WNT4: variants seen among roughly 807,000 people sequenced by gnomAD.
WNT4 encodes Wnt family member 4, also known as protein Wnt-4.
In WNT4, 16 loss-of-function variants were observed where a neutral mutation model predicts 34.5. The observed-to-expected ratio is 0.46, with a 90% CI of 0.31 to 0.70. The LOEUF (loss-of-function observed/expected upper bound fraction) is 0.70, where lower values mean the gene tolerates loss of function less well. Ranked by LOEUF, WNT4 falls within the 30% of genes least tolerant of loss-of-function variation. WNT4 has a pLI of 0.04. For synonymous variants in WNT4, 200 were observed against 211.9 expected (o/e 0.94, Z 0.49); for missense variants, 379 against 495.9 (o/e 0.76, Z 2.24).
Position 22,140,328 on chromosome 1 carries a change from C to T in WNT4, c.77+2518G>A. 1.1e-6 allele frequency: 1 copy of T among 939,978 alleles called. No individual in the cohort carries two copies. The highest frequency in any genetic ancestry group is 4.9e-5 in the South Asian group (1 of 20,374). The allele number at this position is 939,978 out of a possible 1,614,324, so 58.2% of individuals were successfully genotyped here. A position where few individuals can be genotyped will look rare whatever the true frequency, so the allele number is the denominator to read the frequency against. The stretch of plus-strand genomic sequence containing the variant: ...CCAGCTGGGTGACTTGGGCAGTTAC[C>T]TCTGCGATCCCCAATCTTCTCATCT... On this transcript the variant is annotated intron_variant, in intron 1 of 4. Coordinates refer to ENST00000290167, the MANE Select transcript of WNT4 (RefSeq NM_030761.5). This position sits in a 1 kb window ranked among gnomAD's most constrained non-coding sequence, Gnocchi z 5.9.
chr1:22,143,088 G>T lies in WNT4; in HGVS notation c.-166C>A. 1 of 184,980 alleles carries T rather than the reference G, an allele frequency of 5.4e-6. No individual in the cohort carries two copies. Among genetic ancestry groups the T allele is most frequent in the Non-Finnish European group, 9.8e-6 (1 of 101,716 alleles). 11.5% of individuals were successfully genotyped at this position (184,980 alleles called of 1,614,324 possible). A position where few individuals can be genotyped will look rare whatever the true frequency, so the allele number is the denominator to read the frequency against. On this transcript the variant is annotated 5_prime_UTR_variant, in exon 1 of 5. Coordinates refer to ENST00000290167, the MANE Select transcript of WNT4 (RefSeq NM_030761.5). ...CGCTGCTGCGCCCGCTGCCCGGCGC[G>T]GACCAGACTGTCAGCGCCGCCCCAG...
intron 2 of WNT4, among the ~76,000 whole-genome samples, chr1:22,126,279 G>GC (rs1026758881): frequency 6.6e-5 from 10 of 152,212 alleles, no homozygotes; most frequent in African/African-American, 2.2e-4. Context: ...CAGTGGGAGA[G>GC]CCCCCCCAGC....
chr1:22,121,560 G>A lies in WNT4; in HGVS notation c.330C>T (p.Ala110=). 1 of 1,613,584 alleles carries A rather than the reference G, an allele frequency of 6.2e-7. No homozygotes were observed. Among genetic ancestry groups the A allele is most frequent in the South Asian group, 1.1e-5 (1 of 91,084 alleles). ...CTGCCGAAGAGATGGCGTACACGAAGGCCGCCTCCCGAGTCCCTGTGGGAG... is the reference window on the plus strand; with the variant it reads ...CTGCCGAAGAGATGGCGTACACGAAAGCCGCCTCCCGAGTCCCTGTGGGAG... ...KVVTQGTREA[A]FVYAISSAGV... is the part of the protein sequence containing the mutation. Residue 110 remains alanine (A), a synonymous_variant, in exon 3 of 5, where the codon GCC becomes GCT. Transcript: ENST00000290167.
rs919233757 is a variant in WNT4 at position 22,134,621 on chromosome 1, T to C, written c.78-4770A>G. Among the ~76,000 whole-genome samples the C allele has an allele frequency of 6.6e-6, 1 of 152,150 alleles. No individual in the cohort carries two copies. Among genetic ancestry groups the C allele is most frequent in the Non-Finnish European group, 1.5e-5 (1 of 68,020 alleles). On this transcript the variant is annotated intron_variant, in intron 1 of 4. Transcript: ENST00000290167. This position sits in a 1 kb window ranked among gnomAD's most constrained non-coding sequence, Gnocchi z 4.1. ...ACACCTCTGAGCCTCAGCGTGTTCA[T>C]CTGTAAAGTGGGGAGACTGGAATTC... is the stretch of plus-strand genomic sequence containing the variant.
Position 22,119,923 on chromosome 1 carries a change from G to C in WNT4, c.*127C>G, listed in dbSNP as rs1645879613. The C allele has an allele frequency of 6.7e-6, 8 of 1,202,438 alleles. No homozygotes were observed. Among genetic ancestry groups the C allele is most frequent in the Non-Finnish European group, 9.3e-6 (8 of 861,932 alleles). 74.5% of individuals were successfully genotyped at this position (1,202,438 alleles called of 1,614,324 possible). A position where few individuals can be genotyped will look rare whatever the true frequency, so the allele number is the denominator to read the frequency against. On this transcript the variant is annotated 3_prime_UTR_variant, in exon 5 of 5. Coordinates refer to ENST00000290167, the MANE Select transcript of WNT4 (RefSeq NM_030761.5). ...TGGTTTCGGCAATAAATAACATGAGGACCCAAAAACCAAACCAGAACAAAA... is the reference window on the plus strand; with the variant it reads ...TGGTTTCGGCAATAAATAACATGAGCACCCAAAAACCAAACCAGAACAAAA...
chr1:22,136,964 TTGTG>T (rs1451820498), intron 1 of WNT4, among the ~76,000 whole-genome samples: 1 of 152,042 alleles, frequency 6.6e-6, no homozygotes, highest in Admixed American at 6.5e-5. Flanking sequence ...ATTTCAGGGC[TTGTG>T]TGTGAACAGA....
chr1:22,121,690 C>T, intron 2 of WNT4, 114 bp from the exon 3 acceptor site: 1 of 1,493,564 alleles, frequency 6.7e-7, no homozygotes, highest in South Asian at 1.2e-5. Flanking sequence ...CAGGAGGGAG[C>T]AAGACAGGCA....
rs116352403 is a variant in WNT4 at position 22,123,763 on chromosome 1, C to T, written c.314-2187G>A. On this transcript the variant is annotated intron_variant, in intron 2 of 4. Coordinates refer to ENST00000290167, the MANE Select transcript of WNT4 (RefSeq NM_030761.5). ...TTCTGCCTCCCAGAGGCTCTGAGCC[C>T]CTGGGAATACACATGCAGTTGATTC... Among the ~76,000 whole-genome samples, 433 of 152,248 alleles carry T rather than the reference C, an allele frequency of 2.8e-3. 5 individuals carry two copies. Among genetic ancestry groups the T allele is most frequent in the African/African-American group, 9.8e-3 (408 of 41,540 alleles).
intron 1 of WNT4, among the ~76,000 whole-genome samples, chr1:22,141,485 G>A (rs1646066927): frequency 6.6e-6 from 1 of 152,148 alleles, no homozygotes; most frequent in African/African-American, 2.4e-5. Context: ...GGCCTGCAGG[G>A]GGGCAGTGGG....
At chr1:22,128,230 G>A (rs935162547) in intron 2 of WNT4, among the ~76,000 whole-genome samples, 2 of 152,224 alleles carry the variant, frequency 1.3e-5, no homozygotes, top group Non-Finnish European at 2.9e-5. Context: ...ACATCCAAAT[G>A]GTTTGCTACA....
rs927506221 is a variant in WNT4 at position 22,134,475 on chromosome 1, T to C, written c.78-4624A>G. Reference sequence around the variant, plus strand: ...TCTTGGTATCCTGCTGTGCTCCCCCTGATGGTGCCCTAGCCTTGGAGACCC... The same window carrying C: ...TCTTGGTATCCTGCTGTGCTCCCCCCGATGGTGCCCTAGCCTTGGAGACCC... On this transcript the variant is annotated intron_variant, in intron 1 of 4. Coordinates refer to ENST00000290167, the MANE Select transcript of WNT4 (RefSeq NM_030761.5). The surrounding 1 kb of genome is among the most constrained non-coding windows in gnomAD (Gnocchi z 4.1). 6.6e-6 allele frequency among the ~76,000 whole-genome samples: 1 copy of C among 152,176 alleles called. No homozygotes were observed. Among genetic ancestry groups the C allele is most frequent in the African/African-American group, 2.4e-5 (1 of 41,428 alleles).
At chr1:22,126,319 TC>T (rs1280927157) in intron 2 of WNT4, among the ~76,000 whole-genome samples, 3 of 152,136 alleles carry the variant, frequency 2.0e-5, no homozygotes, top group Non-Finnish European at 4.4e-5. Context: ...AGTTAGCTCT[TC>T]CTAGGCATCA....
rs915248791 is a variant in WNT4 at position 22,137,161 on chromosome 1, A to G, written c.77+5685T>C. 2.0e-5 allele frequency among the ~76,000 whole-genome samples: 3 copies of G among 152,140 alleles called. No homozygotes were observed. The highest frequency in any genetic ancestry group is 2.4e-5 in the African/African-American group (1 of 41,432). ...CTCCCTCCCGCTCTCTCCTCAGACC[A>G]GGTCCCCTCCTCTGCGGGGTCTGAC... On this transcript the variant is annotated intron_variant, in intron 1 of 4. Coordinates refer to ENST00000290167, the MANE Select transcript of WNT4 (RefSeq NM_030761.5). This position sits in a 1 kb window ranked among gnomAD's most constrained non-coding sequence, Gnocchi z 5.3.
At chr1:22,127,647 G>A (rs1372460172) in intron 2 of WNT4, among the ~76,000 whole-genome samples, 4 of 152,196 alleles carry the variant, frequency 2.6e-5, no homozygotes, top group Admixed American at 2.6e-4. Flanking sequence ...TCTATATATA[G>A]AAATAGAGAA....
chr1:22,129,623 C>T lies in WNT4; in HGVS notation c.306G>A (p.Val102=). 6.2e-7 allele frequency: 1 copy of T among 1,613,114 alleles called. No homozygotes were observed. Among genetic ancestry groups the T allele is most frequent in the Non-Finnish European group, 8.5e-7 (1 of 1,179,774 alleles). ...CGCACGCCCTTCCCTCACCTTGCGT[C>T]ACCACCTTGCCGAAGACGGGCAAGG... ...LDSLPVFGKV[V]TQGTREAAFV... is the part of the protein sequence containing the mutation. Residue 102 remains valine, a synonymous_variant, in exon 2 of 5, where the codon GTG becomes GTA. Transcript: ENST00000290167.
chr1:22,123,908 T>C (rs1274078589), intron 2 of WNT4, among the ~76,000 whole-genome samples: 1 of 152,228 alleles, frequency 6.6e-6, no homozygotes, highest in Non-Finnish European at 1.5e-5. Flanking sequence ...ACAGTTGGCC[T>C]CTGGGCTCAG....
chr1:22,127,375 G>A (rs1255296309), intron 2 of WNT4: 1 of 533,236 alleles, frequency 1.9e-6, no homozygotes, highest in South Asian at 1.4e-5. Context: ...CTTCAGGCCA[G>A]CATTGCCCCA....
intron 4 of WNT4, 57 bp downstream of exon 4, chr1:22,121,154 G>T: frequency 6.2e-7 from 1 of 1,606,046 alleles, no homozygotes. Context: ...GGGAGAGTCT[G>T]GGGCCCTGCC....
rs1452122725 is a variant in WNT4, at chr1:22,142,195, G to A, written c.77+651C>T. On this transcript the variant is annotated intron_variant, in intron 1 of 4. Transcript: ENST00000290167. This position sits in a 1 kb window ranked among gnomAD's most constrained non-coding sequence, Gnocchi z 6.0. The stretch of plus-strand genomic sequence containing the variant: ...CTCCTTAGGCTAGACACGGGGAGCT[G>A]GGGGGCCGTTGTCTTCTTTAAGGTC... Among the ~76,000 whole-genome samples, 1 of 152,172 alleles carries A rather than the reference G, an allele frequency of 6.6e-6. No homozygotes were observed. Among genetic ancestry groups the A allele is most frequent in the Non-Finnish European group, 1.5e-5 (1 of 68,018 alleles).
Sources: allele counts gnomAD v4.1 joint callset (sites outside exome capture counted in the v4.1 genomes callset), GRCh38; gene constraint gnomAD v4.1.1; non-coding constraint Gnocchi (gnomAD v3.1); transcripts MANE v1.5; gene names NCBI Gene and HGNC (gene_info 2026-07-23, HGNC 2026-07-21).